ABCA8: variants seen among roughly 807,000 people sequenced by gnomAD.
The protein encoded by ABCA8 is ABC-type organic anion transporter ABCA8.
ABCA8 carries 177 observed loss-of-function variants against 192.3 expected under a neutral mutation model. The observed-to-expected ratio is 0.92, with a 90% CI of 0.81 to 1.04. The LOEUF (loss-of-function observed/expected upper bound fraction) is 1.04. ABCA8 is among the 50% of genes least tolerant of loss of function. ABCA8 has a pLI of 0.00. For missense variants in ABCA8, 1,915 were observed against 1,904.8 expected, an observed-to-expected ratio of 1.01 and a Z score of -0.10; for synonymous variants, 642 against 690.2, an observed-to-expected ratio of 0.93 and a Z score of 1.09.
At chr17:68,884,844 T>C in intron 27 of ABCA8, 1 of 985,406 alleles carries the variant, frequency 1.0e-6, no homozygotes, top group South Asian at 4.7e-5. Context: ...TTGCTTATCT[T>C]GGGTGCTTCT....
At chr17:68,882,469 T>C (rs1267025689) in intron 30 of ABCA8, 130 bp downstream of exon 30, 7 of 744,622 alleles carry the variant, frequency 9.4e-6, no homozygotes, top group African/African-American at 5.3e-5. Context: ...TAGTCGCTCA[T>C]TTAATCGTAA....
In ABCA8 at chr17:68,932,510, G is replaced by C; in HGVS notation, c.575C>G (p.Thr192Arg). 6.2e-7 allele frequency: 1 copy of C among 1,607,026 alleles called. No individual in the cohort carries two copies. The highest frequency in any genetic ancestry group is 2.2e-5 in the East Asian group (1 of 44,682). Residue 192 changes from threonine (T) to arginine (R), a missense_variant, in exon 7 of 40, where the codon ACA (threonine) becomes AGA (arginine). Transcript: ENST00000586539. ...CTCCTCCATCACTGAGTGATTTGTT[G>C]TGATCTGAAGAAAGGCATTAATAAG... Reference protein sequence around the residue: ...AAINAAIIEITTNHSVMEELM... With the variant: ...AAINAAIIEIRTNHSVMEELM...
Position 68,932,523 on chromosome 17 carries a change from AG to A in ABCA8, c.571-10del, listed in dbSNP as rs1303190024. On this transcript the variant is annotated splice_polypyrimidine_tract_variant and intron_variant, in intron 6 of 39. Transcript: ENST00000586539. ...GAGTGATTTGTTGTGATCTGAAGAA[AG>A]GCATTAATAAGCAAAATTTGTACGT... 6.3e-7 allele frequency: 1 copy of A among 1,594,572 alleles called. No homozygotes were observed. The highest frequency in any genetic ancestry group is 8.6e-7 in the Non-Finnish European group (1 of 1,164,150).
rs112152281 is a variant in ABCA8, at chr17:68,868,947, C to G, written c.4712-591G>C. On this transcript the variant is annotated intron_variant, in intron 38 of 39. Coordinates refer to ENST00000586539, the MANE Select transcript of ABCA8 (RefSeq NM_001288985.2). The stretch of plus-strand genomic sequence containing the variant: ...GAGTGCTGTGAATGACTACGTGGCC[C>G]AGAAAGTTGGAGAGCTCACATACAT... 7.9e-3 allele frequency among the ~76,000 whole-genome samples: 1,200 copies of G among 152,144 alleles called. 16 individuals are homozygous for G. Among genetic ancestry groups the G allele is most frequent in the African/African-American group, 0.027 (1,137 of 41,500 alleles).
chr17:68,933,662 C>T (rs1051692643), intron 5 of ABCA8, among the ~76,000 whole-genome samples: 6 of 152,068 alleles, frequency 3.9e-5, no homozygotes, highest in Non-Finnish European at 8.8e-5. Context: ...TAAACTAAAG[C>T]TTTTTCTAAC....
chr17:68,905,030 C>T (rs1244058107), intron 19 of ABCA8, among the ~76,000 whole-genome samples: 1 of 152,172 alleles, frequency 6.6e-6, no homozygotes, highest in Non-Finnish European at 1.5e-5. Context: ...AAGGGAAAGA[C>T]CTGATTCTAC....
intron 33 of ABCA8, among the ~76,000 whole-genome samples, chr17:68,877,032 C>T (rs942308643): frequency 2.6e-5 from 4 of 152,084 alleles, no homozygotes; most frequent in Non-Finnish European, 5.9e-5. Flanking sequence ...GAGACAAGGT[C>T]TGACTCTATC....
At chr17:68,869,224 T>G (rs1368253660) in intron 38 of ABCA8, among the ~76,000 whole-genome samples, 5 of 152,166 alleles carry the variant, frequency 3.3e-5, no homozygotes, top group African/African-American at 1.2e-4. Flanking sequence ...AAGGAAAACA[T>G]GAACCTGTGA....
At chr17:68,910,660 C>T (rs924317492) in intron 17 of ABCA8, among the ~76,000 whole-genome samples, 15 of 152,196 alleles carry the variant, frequency 9.9e-5, no homozygotes, top group African/African-American at 2.9e-4. Context: ...CAGTGCAGCT[C>T]GCTGTTCCAG....
chr17:68,882,580 C>A lies in ABCA8; in HGVS notation c.3828+19G>T. 2 of 1,598,178 alleles carry A rather than the reference C, an allele frequency of 1.3e-6. No homozygotes were observed. Among genetic ancestry groups the A allele is most frequent in the Non-Finnish European group, 8.5e-7 (1 of 1,172,846 alleles). ...ACTGGTAGACTGACTAATAAAAAAA[C>A]CTTTGTGTTATGTTTTACCTCATCA... On this transcript the variant is annotated intron_variant, in intron 30 of 39. Coordinates refer to ENST00000586539, the MANE Select transcript of ABCA8 (RefSeq NM_001288985.2).
At chr17:68,890,992 G>C (rs2066610701) in intron 24 of ABCA8, among the ~76,000 whole-genome samples, 2 of 152,132 alleles carry the variant, frequency 1.3e-5, no homozygotes, top group African/African-American at 2.4e-5. Flanking sequence ...CGGATGTTAA[G>C]AACATTTTTC....
intron 21 of ABCA8, among the ~76,000 whole-genome samples, chr17:68,900,549 A>G (rs2066881170): frequency 6.6e-6 from 1 of 151,350 alleles, no homozygotes; most frequent in African/African-American, 2.4e-5. Context: ...AAAAAAAAAA[A>G]AAAAAAAAAA....
intron 2 of ABCA8, among the ~76,000 whole-genome samples, chr17:68,946,893 A>C (rs1359970582): frequency 6.6e-6 from 1 of 152,158 alleles, no homozygotes; most frequent in Non-Finnish European, 1.5e-5. Flanking sequence ...GTGAGCCAAG[A>C]TGGCGCCACT....
chr17:68,892,659 A>G (rs549697505), intron 23 of ABCA8, among the ~76,000 whole-genome samples: 1 of 152,332 alleles, frequency 6.6e-6, no homozygotes, highest in South Asian at 2.1e-4. Flanking sequence ...AAAGGTCTTC[A>G]CAGTCACAAA....
chr17:68,946,266 C>A (rs1284706362), intron 2 of ABCA8, among the ~76,000 whole-genome samples: 1 of 152,086 alleles, frequency 6.6e-6, no homozygotes, highest in Non-Finnish European at 1.5e-5. Flanking sequence ...TGGGGTCTCA[C>A]CATATTGGCC....
At chr17:68,883,584 A>T (rs1447373931) in intron 29 of ABCA8, among the ~76,000 whole-genome samples, 1 of 151,740 alleles carries the variant, frequency 6.6e-6, no homozygotes, top group African/African-American at 2.4e-5. Flanking sequence ...GAGCCTTAAT[A>T]CTCCATGTTT....
intron 6 of ABCA8, 23 bp from the exon 7 acceptor site, chr17:68,932,537 A>G (rs1046984302): frequency 6.5e-7 from 1 of 1,533,620 alleles, no homozygotes; most frequent in African/African-American, 1.4e-5. Flanking sequence ...ATTAATAAGC[A>G]AAATTTGTAC....
Position 68,922,317 on chromosome 17 carries a change from A to G in ABCA8, c.1443-17T>C, listed in dbSNP as rs929897907. 13 of 1,325,578 alleles carry G rather than the reference A, an allele frequency of 9.8e-6. No homozygotes were observed. The highest frequency in any genetic ancestry group is 1.9e-4 in the Middle Eastern group (1 of 5,268). 82.1% of individuals were successfully genotyped at this position (1,325,578 alleles called of 1,614,324 possible). A position where few individuals can be genotyped will look rare whatever the true frequency, so the allele number is the denominator to read the frequency against. ...TTTCTGATTCTGAAAAAAAGAAAAG[A>G]TACTTCAAAGTGACAATTTTCTTCA... On this transcript the variant is annotated splice_polypyrimidine_tract_variant and intron_variant, in intron 11 of 39. Coordinates refer to ENST00000586539, the MANE Select transcript of ABCA8 (RefSeq NM_001288985.2).
In ABCA8 at chr17:68,937,047, T is replaced by C; in HGVS notation, c.370A>G (p.Ile124Val). 6.2e-7 allele frequency: 1 copy of C among 1,610,864 alleles called. No individual in the cohort carries two copies. The highest frequency in any genetic ancestry group is 8.5e-7 in the Non-Finnish European group (1 of 1,178,486). ...KEFTANYPEEIVRVTFTNTYS... is the reference protein window; with the variant it reads ...KEFTANYPEEVVRVTFTNTYS... ...GTATTAGTAAAGGTGACTCTTACTA[T>C]TTCTTCAGGATAATTTGCTGTGAAT... The change falls in exon 5 of 40, where the codon ATA (isoleucine) becomes GTA (valine). Residue 124 changes from isoleucine to valine, a missense_variant. Ile to Val is a conservative substitution (Grantham distance 29, BLOSUM62 3). Coordinates refer to ENST00000586539, the MANE Select transcript of ABCA8 (RefSeq NM_001288985.2).
Sources: allele counts gnomAD v4.1 joint callset (sites outside exome capture counted in the v4.1 genomes callset), GRCh38; gene constraint gnomAD v4.1.1; transcripts MANE v1.5; gene names NCBI Gene and HGNC (gene_info 2026-07-23, HGNC 2026-07-21).